CDH17: variants seen among roughly 807,000 people sequenced by gnomAD.
CDH17 encodes cadherin-17.
CDH17 carries 67 observed loss-of-function variants against 86.3 expected under a neutral mutation model. The ratio of observed to expected loss-of-function variants is 0.78; its 90% CI spans 0.64 to 0.95. The LOEUF (loss-of-function observed/expected upper bound fraction) is 0.95. Among genes scored for constraint, CDH17 ranks in the 40% least tolerant of loss-of-function variants. CDH17 has a pLI of 0.00. For missense variants in CDH17, 993 were observed against 1,017.6 expected (o/e 0.98, Z 0.33); for synonymous variants, 367 against 366.4 (o/e 1.00, Z -0.02).
At chr8:94,204,180 G>A (rs527584842) in intron 1 of CDH17, among the ~76,000 whole-genome samples, 1 of 152,216 alleles carries the variant, frequency 6.6e-6, no homozygotes, top group East Asian at 1.9e-4. Context: ...TACATGTGCA[G>A]AACATGCAGG....
intron 1 of CDH17, among the ~76,000 whole-genome samples, chr8:94,206,885 G>T (rs1242263682): frequency 6.6e-6 from 1 of 151,926 alleles, no homozygotes; most frequent in Non-Finnish European, 1.5e-5. Context: ...AGCACAAGCG[G>T]TTCTCCCTCC....
At position 94,146,063 on chromosome 8, in the gene CDH17, G is replaced by A. The variant is rs1363621778; in HGVS notation, c.2032C>T (p.His678Tyr). ...AGACTTCCAGGTGCACTGAGGGGAT[G>A]GCAGAAGAACAAGCCCGTGTAGTCC... ...AKDYTGLFFCHPLSAPGSLIF... is the reference protein window; with the variant it reads ...AKDYTGLFFCYPLSAPGSLIF... The change falls in exon 15 of 18, where the codon CAT (histidine) becomes TAT (tyrosine). Residue 678 changes from histidine (H) to tyrosine (Y), a missense_variant. Transcript: ENST00000027335. 10 of 1,613,796 alleles carry A rather than the reference G, an allele frequency of 6.2e-6. No homozygotes were observed. The African/African-American group carries it at 1.2e-4, about 19-fold the overall frequency.
chr8:94,191,720 C>A (rs1258720379), intron 2 of CDH17, among the ~76,000 whole-genome samples: 1 of 152,166 alleles, frequency 6.6e-6, no homozygotes, highest in Admixed American at 6.5e-5. Flanking sequence ...TCCCAAAGTG[C>A]TGGGATTACA....
At chr8:94,142,785 C>G (rs143179733) in intron 15 of CDH17, among the ~76,000 whole-genome samples, 2 of 152,296 alleles carry the variant, frequency 1.3e-5, no homozygotes, top group East Asian at 3.9e-4. Flanking sequence ...TTGTAAGAAG[C>G]AACTCTCATT....
chr8:94,194,854 C>T (rs1318841305), intron 1 of CDH17, 149 bp from the exon 2 acceptor site: 1 of 585,620 alleles, frequency 1.7e-6, no homozygotes, highest in Non-Finnish European at 3.0e-6. Flanking sequence ...ATGGAGCAGC[C>T]CAGTCTTCCA....
chr8:94,188,213 G>T (rs1303897523), intron 3 of CDH17, among the ~76,000 whole-genome samples: 1 of 152,136 alleles, frequency 6.6e-6, no homozygotes, highest in East Asian at 1.9e-4. Flanking sequence ...ACCATCTCTA[G>T]ATTATTTATA....
upstream of CDH17, among the ~76,000 whole-genome samples, chr8:94,213,528 C>G (rs1395154301): frequency 6.6e-6 from 1 of 152,126 alleles, no homozygotes; most frequent in Non-Finnish European, 1.5e-5. Context: ...TTTTCTCAGA[C>G]AGCTAAGCTT....
intron 1 of CDH17, chr8:94,202,459 C>A (rs1005181645): frequency 6.5e-6 from 1 of 153,060 alleles, no homozygotes; most frequent in Non-Finnish European, 1.5e-5. Flanking sequence ...GTGTGAGCCA[C>A]TGCACCCAGT....
intron 12 of CDH17, among the ~76,000 whole-genome samples, chr8:94,154,613 C>A (rs1463978722): frequency 6.6e-6 from 1 of 152,050 alleles, no homozygotes; most frequent in African/African-American, 2.4e-5. Flanking sequence ...ACAGGGCTAC[C>A]CAAGAGTACT....
upstream of CDH17, among the ~76,000 whole-genome samples, chr8:94,211,020 CAA>C (rs59090058): frequency 3.4e-4 from 31 of 91,902 alleles, no homozygotes; most frequent in Admixed American, 7.5e-4. Flanking sequence ...GACTGCATCT[CAA>C]AAAAAAAAAA....
At chr8:94,149,071 A>G (rs1812809329) in intron 13 of CDH17, among the ~76,000 whole-genome samples, 197 bp from the exon 14 acceptor site, 1 of 152,076 alleles carries the variant, frequency 6.6e-6, no homozygotes, top group Non-Finnish European at 1.5e-5. Context: ...CTATTATCTC[A>G]TATTATTAAT....
At chr8:94,162,714 A>ATT (rs1813079320) in intron 10 of CDH17, among the ~76,000 whole-genome samples, 1 of 152,198 alleles carries the variant, frequency 6.6e-6, no homozygotes, top group African/African-American at 2.4e-5. Flanking sequence ...AGCCTGCAGG[A>ATT]AGCAAGGTGG....
chr8:94,131,255 T>C (rs1182835228), intron 15 of CDH17, among the ~76,000 whole-genome samples: 1 of 152,160 alleles, frequency 6.6e-6, no homozygotes, highest in African/African-American at 2.4e-5. Context: ...GCACTTATGC[T>C]CTATAAAGTT....
At chr8:94,130,530 G>A in intron 17 of CDH17, 96 bp downstream of exon 17, 1 of 749,624 alleles carries the variant, frequency 1.3e-6, no homozygotes, top group Non-Finnish European at 2.2e-6. Context: ...TGCCATTTGA[G>A]CAGCCACCAG....
At chr8:94,165,380 C>A (rs1357066855) in intron 10 of CDH17, among the ~76,000 whole-genome samples, 1 of 152,168 alleles carries the variant, frequency 6.6e-6, no homozygotes. Context: ...ACATTCCCAC[C>A]AGCCTTCCTT....
At chr8:94,177,957 T>A (rs1343373026) in intron 3 of CDH17, among the ~76,000 whole-genome samples, 1 of 152,214 alleles carries the variant, frequency 6.6e-6, no homozygotes, top group Non-Finnish European at 1.5e-5. Context: ...CAAAAGTCAT[T>A]GATGCTTTAA....
chr8:94,175,937 C>T (rs1462243004), intron 5 of CDH17, among the ~76,000 whole-genome samples: 2 of 152,028 alleles, frequency 1.3e-5, no homozygotes, highest in Non-Finnish European at 2.9e-5. Context: ...TTGCCCAGAC[C>T]GAGTGCAATA....
intron 13 of CDH17, among the ~76,000 whole-genome samples, chr8:94,150,446 G>A (rs1011267815): frequency 1.3e-5 from 2 of 152,190 alleles, no homozygotes; most frequent in Non-Finnish European, 2.9e-5. Context: ...CAAATCCATT[G>A]GGTGCTAACA....
At chr8:94,151,844 C>G in intron 13 of CDH17, 24 bp downstream of exon 13, 1 of 1,613,408 alleles carries the variant, frequency 6.2e-7, no homozygotes, top group Non-Finnish European at 8.5e-7. Flanking sequence ...GCAGCCAGGC[C>G]TGCCCAGCAC....
Sources: gnomAD v4.1 joint callset for allele counts (sites outside exome capture counted in the v4.1 genomes callset) on GRCh38, gnomAD v4.1.1 for gene constraint, MANE v1.5 for transcripts, NCBI Gene and HGNC (gene_info 2026-07-23, HGNC 2026-07-21) for gene names.